The following SERPINI1 variants were observed in gnomAD, a reference collection of about 807,000 sequenced individuals.
SERPINI1 encodes neuroserpin.
Under a neutral mutation model 41.1 loss-of-function variants are expected in SERPINI1, and 19 were observed. The observed-to-expected ratio is 0.46, with a 90% CI of 0.32 to 0.68. SERPINI1 has a LOEUF of 0.68. SERPINI1 is among the 30% of genes least tolerant of loss of function. The pLI is 0.03. For synonymous variants in SERPINI1, 138 were observed against 156.6 expected (o/e 0.88, Z 0.89); for missense variants, 460 against 479.2 (o/e 0.96, Z 0.37).
intron 1 of SERPINI1, among the ~76,000 whole-genome samples, chr3:167,751,926 C>G (rs1313904710): frequency 6.6e-6 from 1 of 152,102 alleles, no homozygotes; most frequent in Admixed American, 6.6e-5. Context: ...CAACATTTGA[C>G]TATTTTTGAC....
chr3:167,790,953 A>G (rs1479384774), intron 3 of SERPINI1, among the ~76,000 whole-genome samples: 1 of 152,132 alleles, frequency 6.6e-6, no homozygotes, highest in Non-Finnish European at 1.5e-5. Flanking sequence ...TTTCATAACA[A>G]TGTGATTAAA....
At chr3:167,742,657 G>C (rs1215290366) in intron 1 of SERPINI1, among the ~76,000 whole-genome samples, 1 of 152,148 alleles carries the variant, frequency 6.6e-6, no homozygotes, top group Non-Finnish European at 1.5e-5. Context: ...TGGAAGTGGA[G>C]ATATCAAAGA....
intron 1 of SERPINI1, among the ~76,000 whole-genome samples, chr3:167,760,098 T>C (rs1168082593): frequency 4.6e-5 from 7 of 152,090 alleles, no homozygotes; most frequent in Admixed American, 1.3e-4. Flanking sequence ...TGTACATATA[T>C]GAAAATAGAT....
chr3:167,747,778 T>C (rs921179724), intron 1 of SERPINI1, among the ~76,000 whole-genome samples: 2 of 152,196 alleles, frequency 1.3e-5, no homozygotes, highest in African/African-American at 4.8e-5. Flanking sequence ...ATAGGAGTTA[T>C]GGAAGATAGA....
chr3:167,774,597 C>A, intron 1 of SERPINI1, among the ~76,000 whole-genome samples: 1 of 152,220 alleles, frequency 6.6e-6, no homozygotes, highest in Middle Eastern at 3.4e-3. Context: ...GGTGGGCAAG[C>A]GAGAATTACC....
intron 6 of SERPINI1, among the ~76,000 whole-genome samples, chr3:167,811,606 A>T (rs976650759): frequency 6.6e-6 from 1 of 152,194 alleles, no homozygotes; most frequent in Non-Finnish European, 1.5e-5. Context: ...GAGGCTTTAG[A>T]TGAAAGAGGA....
Position 167,823,035 on chromosome 3 carries a change from G to C in SERPINI1, c.1029G>C (p.Glu343Asp), listed in dbSNP as rs1005917108. 3 of 1,611,162 alleles carry C rather than the reference G, an allele frequency of 1.9e-6. No individual in the cohort carries two copies. Among genetic ancestry groups the C allele is most frequent in the Non-Finnish European group, 2.5e-6 (3 of 1,177,364 alleles). The change falls in exon 7 of 9, where the codon GAG becomes GAC. Residue 343 changes from glutamate (E) to aspartate (D), a missense_variant. Glu to Asp is a conservative substitution (Grantham distance 45). Coordinates refer to ENST00000446050, the MANE Select transcript of SERPINI1 (RefSeq NM_001122752.2). Reference sequence around the variant, plus strand: ...AAGCAATTCACAAGTCCTTCCTAGAGGTTAATGAAGAAGGCTCAGAAGCTG... The same window carrying C: ...AAGCAATTCACAAGTCCTTCCTAGACGTTAATGAAGAAGGCTCAGAAGCTG... Reference protein sequence around the residue: ...LSKAIHKSFLEVNEEGSEAAA... With the variant: ...LSKAIHKSFLDVNEEGSEAAA...
chr3:167,766,222 C>T (rs1300304647), intron 1 of SERPINI1, among the ~76,000 whole-genome samples: 1 of 113,886 alleles, frequency 8.8e-6, no homozygotes, highest in Non-Finnish European at 1.7e-5. Context: ...GGGCAATTTA[C>T]CTAAAAAAAA....
chr3:167,790,478 T>A lies in SERPINI1; in HGVS notation c.357T>A (p.His119Gln). The change falls in exon 3 of 9, where the codon CAT (histidine) becomes CAA (glutamine). Residue 119 changes from histidine (H) to glutamine (Q), a missense_variant. Physicochemically the swap from His to Gln is conservative, Grantham distance 24. Transcript: ENST00000446050. ...ANSLFVQNGF[H>Q]VNEEFLQMMK... ...CCTTGTTTGTGCAAAATGGATTTCATGTCAATGAGGAGTTTTTGCAAATGA... is the reference window on the plus strand; with the variant it reads ...CCTTGTTTGTGCAAAATGGATTTCAAGTCAATGAGGAGTTTTTGCAAATGA... 1 of 1,614,064 alleles carries A rather than the reference T, an allele frequency of 6.2e-7. No individual in the cohort carries two copies. The highest frequency in any genetic ancestry group is 1.1e-5 in the South Asian group (1 of 91,084).
At position 167,769,341 on chromosome 3, in the gene SERPINI1, G is replaced by A. The variant is rs567293991; in HGVS notation, c.-18-19770G>A. ...ACGACAGGAAGCCAAAACAAAACAT[G>A]CATGTATTTTAAGATCATACATAAA... On this transcript the variant is annotated intron_variant, in intron 1 of 8. Coordinates refer to ENST00000446050, the MANE Select transcript of SERPINI1 (RefSeq NM_001122752.2). Among the ~76,000 whole-genome samples, 9 of 152,198 alleles carry A rather than the reference G, an allele frequency of 5.9e-5. No homozygotes were observed. In the East Asian group the frequency reaches 1.7e-3, roughly 29 times the overall value.
intron 5 of SERPINI1, among the ~76,000 whole-genome samples, 188 bp from the exon 6 acceptor site, chr3:167,807,056 A>T (rs1031495607): frequency 2.6e-5 from 4 of 152,126 alleles, no homozygotes; most frequent in Non-Finnish European, 5.9e-5. Context: ...CTATTTTGTT[A>T]TGTCAATCTC....
intron 1 of SERPINI1, among the ~76,000 whole-genome samples, chr3:167,770,146 A>G (rs1233677226): frequency 1.3e-5 from 2 of 151,758 alleles, no homozygotes; most frequent in Non-Finnish European, 2.9e-5. Flanking sequence ...ATGTGCCTAT[A>G]TGGAAAAGAT....
chr3:167,813,035 G>A (rs192924622), intron 6 of SERPINI1, among the ~76,000 whole-genome samples: 11 of 152,242 alleles, frequency 7.2e-5, no homozygotes, highest in Admixed American at 2.6e-4. Flanking sequence ...CTTTAATAAA[G>A]GAGCCAATAA....
At chr3:167,801,327 T>C (rs1199066771) in intron 5 of SERPINI1, among the ~76,000 whole-genome samples, 1 of 152,260 alleles carries the variant, frequency 6.6e-6, no homozygotes, top group Non-Finnish European at 1.5e-5. Flanking sequence ...AATTACATTG[T>C]ATGCCTTTAT....
At chr3:167,823,945 G>A (rs932280455) in intron 7 of SERPINI1, among the ~76,000 whole-genome samples, 1 of 152,160 alleles carries the variant, frequency 6.6e-6, no homozygotes, top group Non-Finnish European at 1.5e-5. Flanking sequence ...ATACCTCGTT[G>A]TATCTCTCAC....
At chr3:167,777,291 A>C (rs758407151) in intron 1 of SERPINI1, among the ~76,000 whole-genome samples, 1 of 152,052 alleles carries the variant, frequency 6.6e-6, no homozygotes, top group Non-Finnish European at 1.5e-5. Flanking sequence ...CATCTTTGAC[A>C]ATGTCATATT....
chr3:167,789,638 A>T (rs1727431769), intron 2 of SERPINI1, among the ~76,000 whole-genome samples: 2 of 152,178 alleles, frequency 1.3e-5, no homozygotes, highest in Admixed American at 1.3e-4. Context: ...AAAAGCAAAC[A>T]TTTTTCTGGA....
chr3:167,812,396 C>T (rs1711924057), intron 6 of SERPINI1, among the ~76,000 whole-genome samples: 1 of 152,180 alleles, frequency 6.6e-6, no homozygotes, highest in Non-Finnish European at 1.5e-5. Context: ...CACCTGTCCC[C>T]AGCTCTCTGC....
intron 5 of SERPINI1, among the ~76,000 whole-genome samples, chr3:167,804,038 G>A (rs1285893297): frequency 6.6e-6 from 1 of 152,132 alleles, no homozygotes; most frequent in African/African-American, 2.4e-5. Context: ...AACATTTTAA[G>A]CCATTGAATG....
Sources: gnomAD v4.1 joint callset for allele counts (sites outside exome capture counted in the v4.1 genomes callset) on GRCh38, gnomAD v4.1.1 for gene constraint, MANE v1.5 for transcripts, NCBI Gene and HGNC (gene_info 2026-07-23, HGNC 2026-07-21) for gene names.